Variants in CTSH observed in about 807,000 individuals in gnomAD.
CTSH encodes pro-cathepsin H.
A neutral mutation model predicts 56.3 loss-of-function variants in CTSH; 52 were observed. The observed-to-expected ratio is 0.92, with a 90% CI of 0.74 to 1.16. The LOEUF (loss-of-function observed/expected upper bound fraction) is 1.16. Ranked by LOEUF, CTSH falls within the 50% of genes most tolerant of loss-of-function variation. CTSH has a pLI of 0.00. For missense variants in CTSH, 406 were observed against 424.5 expected, an observed-to-expected ratio of 0.96 and a Z score of 0.38; for synonymous variants, 174 against 155.7, an observed-to-expected ratio of 1.12 and a Z score of -0.88.
chr15:78,935,765 G>C lies in CTSH; in HGVS notation c.230-15C>G, dbSNP rs1567370801. 6.3e-7 allele frequency: 1 copy of C among 1,592,204 alleles called. No homozygotes were observed. Among genetic ancestry groups the C allele is most frequent in the African/African-American group, 1.3e-5 (1 of 74,406 alleles). On this transcript the variant is annotated splice_polypyrimidine_tract_variant and intron_variant, in intron 3 of 11. Transcript: ENST00000220166. ...GTTCAGTGCCACTACAAAAGAGAAGGAAAAAACCAAAACAGAAATGGTTAG... is the reference window on the plus strand; with the variant it reads ...GTTCAGTGCCACTACAAAAGAGAAGCAAAAAACCAAAACAGAAATGGTTAG...
In CTSH at chr15:78,944,353, C is replaced by CT. The variant is rs1465379167; in HGVS notation, c.91+537dup. 2.0e-5 allele frequency among the ~76,000 whole-genome samples: 3 copies of CT among 152,342 alleles called. No individual in the cohort carries two copies. In the East Asian group the frequency reaches 5.8e-4, roughly 29 times the overall value. On this transcript the variant is annotated intron_variant, in intron 1 of 11. Coordinates refer to ENST00000220166, the MANE Select transcript of CTSH (RefSeq NM_004390.5). ...GGGGCTCCACCTGACGCCATGGGCC[C>CT]TGGGGTGCTGTTAAAAGCGCTGTTG...
chr15:78,942,881 C>T (rs1274056321), intron 1 of CTSH, among the ~76,000 whole-genome samples: 2 of 152,162 alleles, frequency 1.3e-5, no homozygotes, highest in African/African-American at 2.4e-5. Flanking sequence ...TTTAGATCTC[C>T]GTTTTTGGGT....
At chr15:78,944,700 G>T in intron 1 of CTSH, 191 bp downstream of exon 1, 2 of 1,130,928 alleles carry the variant, frequency 1.8e-6, no homozygotes, top group Non-Finnish European at 2.3e-6. Flanking sequence ...CCTACAAGCC[G>T]CCCACCCTCC....
chr15:78,931,329 T>G, intron 7 of CTSH, 122 bp downstream of exon 7: 2 of 1,272,040 alleles, frequency 1.6e-6, no homozygotes, highest in Non-Finnish European at 2.3e-6. Context: ...ACAGAGACCA[T>G]TTTGCCATCG....
chr15:78,930,537 A>AAAAT (rs145707544), intron 7 of CTSH, among the ~76,000 whole-genome samples: 2,163 of 147,578 alleles, frequency 0.015, 40 homozygotes, highest in African/African-American at 0.044. Flanking sequence ...AAAAAAAGAA[A>AAAAT]AAATAAATAA....
chr15:78,922,765 G>A (rs1038586558), intron 11 of CTSH, among the ~76,000 whole-genome samples: 3 of 152,230 alleles, frequency 2.0e-5, no homozygotes, highest in African/African-American at 7.2e-5. Flanking sequence ...CTGGCCTCCT[G>A]CTCTCCCTGC....
chr15:78,939,806 C>G (rs1036199803), intron 1 of CTSH, among the ~76,000 whole-genome samples: 4 of 152,292 alleles, frequency 2.6e-5, no homozygotes, highest in African/African-American at 9.6e-5. Context: ...TCGCTTGAAC[C>G]CGGGAGGCGG....
At chr15:78,935,876 T>C (rs766195291) in intron 3 of CTSH, 126 bp from the exon 4 acceptor site, 77 of 645,670 alleles carry the variant, frequency 1.2e-4, no homozygotes, top group Non-Finnish European at 1.9e-4. Flanking sequence ...CCCATCTCCT[T>C]TAAGTTTTTG....
At chr15:78,941,070 C>A (rs897360757) in intron 1 of CTSH, among the ~76,000 whole-genome samples, 2 of 152,182 alleles carry the variant, frequency 1.3e-5, no homozygotes, top group Non-Finnish European at 2.9e-5. Flanking sequence ...AGGGAACATA[C>A]ATTTTTATGC....
intron 6 of CTSH, chr15:78,932,110 G>A: frequency 8.0e-7 from 1 of 1,250,068 alleles, no homozygotes; most frequent in Non-Finnish European, 1.0e-6. Flanking sequence ...CCCTCCGCCG[G>A]GAAGGCTCCA....
intron 1 of CTSH, among the ~76,000 whole-genome samples, chr15:78,939,961 T>C (rs566964027): frequency 4.6e-5 from 7 of 152,168 alleles, no homozygotes; most frequent in Non-Finnish European, 8.8e-5. Flanking sequence ...AGGTAGTAAA[T>C]ATTTCAGGCT....
Position 78,925,340 on chromosome 15 carries a change from T to C in CTSH, c.800A>G (p.Tyr267Cys). The part of the protein sequence containing the change: ...QDFMMYRTGI[Y>C]SSTSCHKTPD... ...TCCTGGGACCCTGACTCACCTGGAG[T>C]AGATGCCGGTTCTATACATCATGAA... The change falls in exon 10 of 12, where the codon TAC (tyrosine) becomes TGC (cysteine). Residue 267 changes from tyrosine to cysteine, a missense_variant. By Grantham distance (194) the Tyr-to-Cys change is radical. Coordinates refer to ENST00000220166, the MANE Select transcript of CTSH (RefSeq NM_004390.5). 1.2e-6 allele frequency: 2 copies of C among 1,607,014 alleles called. No homozygotes were observed. The highest frequency in any genetic ancestry group is 2.2e-5 in the East Asian group (1 of 44,794).
intron 3 of CTSH, among the ~76,000 whole-genome samples, chr15:78,936,635 C>CTT (rs796354073): frequency 1.2e-3 from 159 of 135,464 alleles, no homozygotes; most frequent in African/African-American, 4.9e-3. Flanking sequence ...GTGTGAGTTT[C>CTT]TTTTTTTTTT....
At chr15:78,940,394 G>A (rs1362287979) in intron 1 of CTSH, among the ~76,000 whole-genome samples, 1 of 151,952 alleles carries the variant, frequency 6.6e-6, no homozygotes, top group African/African-American at 2.4e-5. Flanking sequence ...GACCAGTCTG[G>A]GCAACAAAGT....
rs907187364 is a variant in CTSH at position 78,925,560 on chromosome 15, C to A, written c.700-120G>T. On this transcript the variant is annotated intron_variant, in intron 9 of 11. Transcript: ENST00000220166. ...CCAGAGCAGCATGGATGGCCAGAAG[C>A]AGCTCCCCTGCGGCCTCTCTCCCTT... The A allele has an allele frequency of 1.7e-5, 11 of 656,920 alleles. No individual in the cohort carries two copies. In the African/African-American group the frequency reaches 1.8e-4, roughly 11 times the overall value. The allele number at this position is 656,920 out of a possible 1,614,324, so 40.7% of individuals were successfully genotyped here.
In CTSH at chr15:78,935,759, G is replaced by A; in HGVS notation, c.230-9C>T. On this transcript the variant is annotated splice_polypyrimidine_tract_variant and intron_variant, in intron 3 of 11. Coordinates refer to ENST00000220166, the MANE Select transcript of CTSH (RefSeq NM_004390.5). ...AAATTGGTTCAGTGCCACTACAAAA[G>A]AGAAGGAAAAAACCAAAACAGAAAT... 3 of 1,602,214 alleles carry A rather than the reference G, an allele frequency of 1.9e-6. No individual in the cohort carries two copies. The highest frequency in any genetic ancestry group is 2.2e-5 in the South Asian group (2 of 89,728).
chr15:78,935,875 T>C, intron 3 of CTSH, 125 bp from the exon 4 acceptor site: 1 of 644,876 alleles, frequency 1.6e-6, no homozygotes, highest in Non-Finnish European at 2.7e-6. Context: ...ACCCATCTCC[T>C]TTAAGTTTTT....
rs1259692382 is a variant in CTSH, at chr15:78,942,157, T to C, written c.91+2734A>G. Among the ~76,000 whole-genome samples the C allele has an allele frequency of 4.6e-5, 7 of 152,104 alleles. No individual in the cohort carries two copies. The East Asian group carries it at 1.2e-3, about 25-fold the overall frequency. ...ACTTAATTCTTCGCACTCCTTTCTG[T>C]GCATCCAATCCCATGGTGCTCTATC... On this transcript the variant is annotated intron_variant, in intron 1 of 11. Transcript: ENST00000220166.
intron 11 of CTSH, among the ~76,000 whole-genome samples, chr15:78,922,733 C>G (rs1242214748): frequency 2.6e-5 from 4 of 152,236 alleles, no homozygotes; most frequent in Non-Finnish European, 2.9e-5. Context: ...GAGCTGTTTT[C>G]CTAGCAGTCC....
Sources: gnomAD v4.1 joint callset for allele counts (sites outside exome capture counted in the v4.1 genomes callset) on GRCh38, gnomAD v4.1.1 for gene constraint, MANE v1.5 for transcripts, NCBI Gene and HGNC (gene_info 2026-07-23, HGNC 2026-07-21) for gene names.